The following GRM5 variants were observed in gnomAD, a reference collection of about 807,000 sequenced individuals.
GRM5 encodes glutamate metabotropic receptor 5.
A neutral mutation model predicts 83.1 loss-of-function variants in GRM5; 19 were observed. The observed-to-expected ratio is 0.23, with a 90% CI of 0.16 to 0.34. GRM5 has a LOEUF of 0.34. Ranked by LOEUF, GRM5 falls within the 10% of genes least tolerant of loss-of-function variation. GRM5 has a pLI of 1.00. For missense variants in GRM5, 1,160 were observed against 1,588.3 expected (o/e 0.73, Z 4.58); for synonymous variants, 675 against 633.6 (o/e 1.07, Z -0.98).
intron 3 of GRM5, among the ~76,000 whole-genome samples, chr11:88,667,520 A>C (rs1318554925): frequency 6.6e-6 from 1 of 152,220 alleles, no homozygotes; most frequent in East Asian, 1.9e-4. Flanking sequence ...TGAGAAAAAG[A>C]AGCACATTAA....
intron 3 of GRM5, among the ~76,000 whole-genome samples, chr11:88,696,135 G>A (rs1743250799): frequency 6.6e-6 from 1 of 152,140 alleles, no homozygotes; most frequent in Non-Finnish European, 1.5e-5. Flanking sequence ...GAAGGGGGAT[G>A]GAGTGGGAAG....
intron 2 of GRM5, among the ~76,000 whole-genome samples, chr11:88,884,093 G>T (rs907499350): frequency 6.6e-6 from 1 of 152,056 alleles, no homozygotes; most frequent in African/African-American, 2.4e-5. Context: ...AACCCAGAAT[G>T]GTAGATACAC....
At chr11:88,910,241 A>G (rs1157101626) in intron 2 of GRM5, among the ~76,000 whole-genome samples, 1 of 152,096 alleles carries the variant, frequency 6.6e-6, no homozygotes, top group African/African-American at 2.4e-5. Context: ...TGTGGCATGT[A>G]TCAGACTTCA....
chr11:88,602,071 A>T (rs79521741), intron 5 of GRM5, among the ~76,000 whole-genome samples: 5 of 151,374 alleles, frequency 3.3e-5, no homozygotes, highest in South Asian at 2.1e-4. Flanking sequence ...GAGCTCTGAA[A>T]TTTTTTTTTC....
chr11:88,852,506 A>C (rs1171383446), intron 2 of GRM5, among the ~76,000 whole-genome samples: 3 of 152,144 alleles, frequency 2.0e-5, no homozygotes, highest in African/African-American at 7.2e-5. Context: ...ACAGTGGAGA[A>C]AATGGCACTA....
intron 3 of GRM5, among the ~76,000 whole-genome samples, chr11:88,683,786 G>A (rs1940553647): frequency 6.6e-6 from 1 of 152,174 alleles, no homozygotes; most frequent in Non-Finnish European, 1.5e-5. Flanking sequence ...CCAGGTACTG[G>A]CAATATATGA....
At chr11:88,566,525 A>G (rs1013993460) in intron 8 of GRM5, among the ~76,000 whole-genome samples, 1 of 152,164 alleles carries the variant, frequency 6.6e-6, no homozygotes, top group Non-Finnish European at 1.5e-5. Flanking sequence ...CATCTTGCCC[A>G]TTAAGAACTA....
At chr11:88,958,252 T>C (rs1354386128) in intron 2 of GRM5, among the ~76,000 whole-genome samples, 3 of 150,382 alleles carry the variant, frequency 2.0e-5, no homozygotes, top group Non-Finnish European at 4.4e-5. Flanking sequence ...TTTATATATA[T>C]ATATATAATG....
intron 3 of GRM5, among the ~76,000 whole-genome samples, chr11:88,672,867 G>T (rs180964965): frequency 2.0e-5 from 3 of 152,064 alleles, no homozygotes; most frequent in East Asian, 1.9e-4. Flanking sequence ...AGTGCCTGTT[G>T]TATGTGAAGC....
chr11:88,579,587 T>C (rs1457148766), intron 7 of GRM5, among the ~76,000 whole-genome samples: 1 of 152,194 alleles, frequency 6.6e-6, no homozygotes, highest in Non-Finnish European at 1.5e-5. Flanking sequence ...AGTAAAGCCT[T>C]CCAGGCAGAT....
chr11:88,744,554 A>G (rs1942093034), intron 3 of GRM5, among the ~76,000 whole-genome samples: 1 of 152,222 alleles, frequency 6.6e-6, no homozygotes, highest in Admixed American at 6.5e-5. Flanking sequence ...TGCCTTTCAC[A>G]CACCCCACCT....
chr11:88,516,568 G>T (rs960414433), intron 9 of GRM5, among the ~76,000 whole-genome samples: 3 of 152,182 alleles, frequency 2.0e-5, no homozygotes, highest in Admixed American at 2.0e-4. Context: ...ACTCCTTTCT[G>T]TCTTACAGCA....
At chr11:88,686,373 T>G (rs1208709953) in intron 3 of GRM5, among the ~76,000 whole-genome samples, 3 of 152,218 alleles carry the variant, frequency 2.0e-5, no homozygotes, top group Non-Finnish European at 2.9e-5. Flanking sequence ...TAGCTTGATT[T>G]TGATTTTACA....
chr11:88,638,298 A>G (rs1327961213), intron 4 of GRM5, among the ~76,000 whole-genome samples: 1 of 152,116 alleles, frequency 6.6e-6, no homozygotes, highest in Non-Finnish European at 1.5e-5. Context: ...TAAAACTTGA[A>G]GTATAATAAT....
intron 9 of GRM5, among the ~76,000 whole-genome samples, chr11:88,514,658 T>C (rs567125394): frequency 6.6e-6 from 1 of 152,008 alleles, no homozygotes; most frequent in Non-Finnish European, 1.5e-5. Flanking sequence ...TGTACTGACA[T>C]GAAAACTACT....
chr11:88,901,864 A>G (rs997424203), intron 2 of GRM5, among the ~76,000 whole-genome samples: 1 of 152,194 alleles, frequency 6.6e-6, no homozygotes, highest in African/African-American at 2.4e-5. Flanking sequence ...CTTAGGGCTA[A>G]AAAGCCAAAT....
intron 3 of GRM5, among the ~76,000 whole-genome samples, chr11:88,751,090 A>AAAAAAAAAAAAAAAAAT (rs1942264086): frequency 4.3e-5 from 6 of 140,346 alleles, no homozygotes; most frequent in Non-Finnish European, 7.9e-5. Flanking sequence ...AAAAAAAAAA[A>AAAAAAAAAAAAAAAAAT]AAAAACAAAG....
intron 3 of GRM5, among the ~76,000 whole-genome samples, chr11:88,697,351 G>A (rs1391602303): frequency 6.6e-6 from 1 of 152,120 alleles, no homozygotes; most frequent in Non-Finnish European, 1.5e-5. Flanking sequence ...GGATTGATGC[G>A]CTTTTGTATG....
intron 5 of GRM5, 113 bp downstream of exon 5, chr11:88,604,605 A>G (rs1938090317): frequency 1.1e-6 from 1 of 871,826 alleles, no homozygotes; most frequent in Non-Finnish European, 1.8e-6. Flanking sequence ...AGGGAAGGGG[A>G]AACATTACCA....
Sources: allele counts gnomAD v4.1 joint callset (sites outside exome capture counted in the v4.1 genomes callset), GRCh38; gene constraint gnomAD v4.1.1; transcripts MANE v1.5; gene names NCBI Gene and HGNC (gene_info 2026-07-23, HGNC 2026-07-21).